Variants in VWA8 observed in about 807,000 individuals in gnomAD.
VWA8 encodes von Willebrand factor A domain containing 8, also known as von Willebrand factor A domain-containing protein 8.
In VWA8, 221 loss-of-function variants were observed where a neutral mutation model predicts 241.5. The observed-to-expected ratio is 0.91, with a 90% confidence interval of 0.82 to 1.02. VWA8 has a LOEUF of 1.02. Among genes scored for constraint, VWA8 ranks in the 50% least tolerant of loss-of-function variants. The pLI is 0.00. For synonymous variants in VWA8, 852 were observed against 827.1 expected (o/e 1.03, Z -0.52); for missense variants, 2,322 against 2,328.7 (o/e 1.00, Z 0.06).
At chr13:41,619,232 T>C (rs963947949) in intron 37 of VWA8, among the ~76,000 whole-genome samples, 3 of 152,238 alleles carry the variant, frequency 2.0e-5, no homozygotes, top group African/African-American at 4.8e-5. Context: ...TTTGTAGTAA[T>C]TGTGAATGGG....
At chr13:41,865,569 C>T (rs905643274) in intron 12 of VWA8, 167 bp downstream of exon 12, 14 of 690,748 alleles carry the variant, frequency 2.0e-5, no homozygotes, top group Non-Finnish European at 3.2e-5. Flanking sequence ...CTTTCAAAAG[C>T]TCCAAAGAAT....
At chr13:41,684,956 G>A in intron 35 of VWA8, 91 bp downstream of exon 35, 2 of 1,141,772 alleles carry the variant, frequency 1.8e-6, no homozygotes, top group Admixed American at 2.4e-5. Flanking sequence ...TTATAAGTAT[G>A]AAATGATAAA....
intron 15 of VWA8, among the ~76,000 whole-genome samples, chr13:41,817,577 T>C (rs900115122): frequency 5.9e-5 from 9 of 152,244 alleles, no homozygotes; most frequent in African/African-American, 2.2e-4. Flanking sequence ...AGTCCACATA[T>C]ACTTTGTTTC....
intron 37 of VWA8, among the ~76,000 whole-genome samples, chr13:41,646,081 C>G (rs1188347296): frequency 6.6e-6 from 1 of 152,018 alleles, no homozygotes; most frequent in African/African-American, 2.4e-5. Flanking sequence ...ATTCTTCTGC[C>G]TCGGCCTCCC....
chr13:41,569,222 A>G (rs1220714120), intron 44 of VWA8, among the ~76,000 whole-genome samples: 2 of 152,248 alleles, frequency 1.3e-5, no homozygotes, highest in East Asian at 3.8e-4. Flanking sequence ...CTAGGAAACC[A>G]CAAGGGTATT....
chr13:41,573,210 C>A (rs1052924931), intron 43 of VWA8, among the ~76,000 whole-genome samples: 1 of 151,262 alleles, frequency 6.6e-6, no homozygotes, highest in East Asian at 1.9e-4. Context: ...GAGCTCAAGA[C>A]CAGCCTGGCC....
At chr13:41,625,617 C>T (rs1229234164) in intron 37 of VWA8, among the ~76,000 whole-genome samples, 1 of 152,122 alleles carries the variant, frequency 6.6e-6, no homozygotes, top group East Asian at 1.9e-4. Context: ...AATAGGAACA[C>T]TTTTACACTG....
chr13:41,793,735 G>A (rs1869559287), intron 17 of VWA8, among the ~76,000 whole-genome samples: 1 of 152,218 alleles, frequency 6.6e-6, no homozygotes, highest in Non-Finnish European at 1.5e-5. Flanking sequence ...AGACTTGCTT[G>A]AACCTGAGAG....
chr13:41,886,112 TAATTA>T (rs1874522460), intron 7 of VWA8, 84 bp from the exon 8 acceptor site: 1 of 894,388 alleles, frequency 1.1e-6, no homozygotes, highest in African/African-American at 1.7e-5. Context: ...GGGGCCAATT[TAATTA>T]ATCTAAAAAA....
intron 37 of VWA8, among the ~76,000 whole-genome samples, chr13:41,640,027 T>C (rs1375284448): frequency 1.3e-5 from 2 of 152,176 alleles, no homozygotes; most frequent in Non-Finnish European, 2.9e-5. Flanking sequence ...GCTCTTTATG[T>C]GGGTCACATC....
At chr13:41,750,090 G>C (rs1428023896) in intron 21 of VWA8, among the ~76,000 whole-genome samples, 3 of 151,926 alleles carry the variant, frequency 2.0e-5, no homozygotes, top group Non-Finnish European at 4.4e-5. Context: ...TACGGATCTG[G>C]GCAAAGTCTA....
At chr13:41,877,271 T>C (rs1399877504) in intron 9 of VWA8, among the ~76,000 whole-genome samples, 1 of 152,080 alleles carries the variant, frequency 6.6e-6, no homozygotes, top group Non-Finnish European at 1.5e-5. Flanking sequence ...CCACCTCATA[T>C]TTCATCAGTT....
chr13:41,948,969 A>G (rs897755589), intron 2 of VWA8, among the ~76,000 whole-genome samples: 2 of 150,744 alleles, frequency 1.3e-5, no homozygotes, highest in Non-Finnish European at 3.0e-5. Context: ...ACACACATAC[A>G]ACCATACCAT....
intron 17 of VWA8, 64 bp from the exon 18 acceptor site, chr13:41,787,607 TACACACAC>T (rs112297676): frequency 1.4e-4 from 84 of 604,148 alleles, no homozygotes; most frequent in East Asian, 8.0e-4. Context: ...GATTCTTAAA[TACACACAC>T]ACACACACAC....
chr13:41,770,174 G>A (rs1284258739), intron 20 of VWA8, among the ~76,000 whole-genome samples: 5 of 152,124 alleles, frequency 3.3e-5, no homozygotes, highest in Non-Finnish European at 5.9e-5. Context: ...GAGGCCGGGC[G>A]CGGTGGCTCA....
At chr13:41,590,875 A>G in intron 40 of VWA8, 110 bp from the exon 41 acceptor site, 1 of 1,343,734 alleles carries the variant, frequency 7.4e-7, no homozygotes, top group Admixed American at 1.8e-5. Context: ...TCAGTAAGTG[A>G]TGGTTCTGCA....
At chr13:41,800,469 C>T (rs1305394971) in intron 17 of VWA8, among the ~76,000 whole-genome samples, 2 of 152,188 alleles carry the variant, frequency 1.3e-5, no homozygotes, top group South Asian at 4.1e-4. Context: ...ACTAGCTTTT[C>T]TATGGCCTTT....
chr13:41,778,180 G>T, intron 19 of VWA8, 124 bp from the exon 20 acceptor site: 2 of 533,232 alleles, frequency 3.8e-6, no homozygotes, highest in Non-Finnish European at 5.7e-6. Context: ...CAATCGATTT[G>T]ATATAACCCA....
intron 43 of VWA8, among the ~76,000 whole-genome samples, chr13:41,573,366 C>T (rs925307366): frequency 2.0e-5 from 3 of 148,732 alleles, no homozygotes; most frequent in East Asian, 2.0e-4. Context: ...CGTAGCGGGC[C>T]GAGATTGTGC....
Sources: allele counts gnomAD v4.1 joint callset (sites outside exome capture counted in the v4.1 genomes callset), GRCh38; gene constraint gnomAD v4.1.1; transcripts MANE v1.5; gene names NCBI Gene and HGNC (gene_info 2026-07-23, HGNC 2026-07-21).